ZBTB8OS: variants seen among roughly 807,000 people sequenced by gnomAD.
ZBTB8OS encodes the protein tRNA splicing ligase complex subunit 1, also known as tRNA-splicing ligase-activating factor archease.
ZBTB8OS carries 16 observed loss-of-function variants against 29.3 expected under a neutral mutation model. The ratio of observed to expected loss-of-function variants is 0.55; its 90% confidence interval spans 0.37 to 0.83. The LOEUF (loss-of-function observed/expected upper bound fraction) is 0.83. Among genes scored for constraint, ZBTB8OS ranks in the 40% least tolerant of loss-of-function variants. The pLI, the probability that ZBTB8OS is intolerant of heterozygous loss-of-function variation, is 0.00. For synonymous variants in ZBTB8OS, 70 were observed against 64.6 expected (o/e 1.08, Z -0.40); for missense variants, 160 against 196.9 (o/e 0.81, Z 1.12).
At position 32,643,163 on chromosome 1, in the gene ZBTB8OS, C is replaced by T. The variant is rs374766275; in HGVS notation, c.97+7270G>A. 4.0e-5 allele frequency among the ~76,000 whole-genome samples: 6 copies of T among 151,014 alleles called. No individual in the cohort carries two copies. In the South Asian group the frequency reaches 1.1e-3, roughly 27 times the overall value. ...TCCGCTCACTGCAACCTCTGCCTCC[C>T]AGGTTCAAGCGATTCTCCTGCCTCA... On this transcript the variant is annotated intron_variant, in intron 1 of 6. Coordinates refer to ENST00000468695, the MANE Select transcript of ZBTB8OS (RefSeq NM_178547.5).
At chr1:32,632,774 CA>C (rs769998782) in intron 4 of ZBTB8OS, among the ~76,000 whole-genome samples, 2 of 152,172 alleles carry the variant, frequency 1.3e-5, no homozygotes, top group Non-Finnish European at 2.9e-5. Context: ...TCTGGGCACA[CA>C]GGGGCAGTAC....
intron 1 of ZBTB8OS, among the ~76,000 whole-genome samples, chr1:32,646,057 C>A (rs528048258): frequency 6.6e-6 from 1 of 152,154 alleles, no homozygotes; most frequent in African/African-American, 2.4e-5. Context: ...CAGTGCCTCA[C>A]GTCTGTACTC....
At chr1:32,622,330 C>A (rs1176725806) in intron 6 of ZBTB8OS, among the ~76,000 whole-genome samples, 6 of 152,148 alleles carry the variant, frequency 3.9e-5, no homozygotes, top group African/African-American at 1.4e-4. Flanking sequence ...TCCACATGCC[C>A]ATCAATGGTA....
intron 1 of ZBTB8OS, among the ~76,000 whole-genome samples, chr1:32,646,308 T>C (rs786294): frequency 0.97 from 147,755 of 151,818 alleles, 72,028 homozygotes; most frequent in East Asian, 1. Flanking sequence ...GGTGACAGAA[T>C]GAGACTGTCT....
At chr1:32,645,713 C>T (rs1395504222) in intron 1 of ZBTB8OS, among the ~76,000 whole-genome samples, 1 of 152,146 alleles carries the variant, frequency 6.6e-6, no homozygotes, top group African/African-American at 2.4e-5. Context: ...CAAGCCGAGT[C>T]TCAAACTCCT....
chr1:32,637,691 GA>G (rs1490026282), intron 1 of ZBTB8OS, among the ~76,000 whole-genome samples: 1 of 152,162 alleles, frequency 6.6e-6, no homozygotes, highest in Non-Finnish European at 1.5e-5. Context: ...GGATTGACTG[GA>G]AAAGAGCAAA....
intron 1 of ZBTB8OS, among the ~76,000 whole-genome samples, chr1:32,637,688 C>A (rs1646085073): frequency 6.6e-6 from 1 of 152,050 alleles, no homozygotes; most frequent in Non-Finnish European, 1.5e-5. Flanking sequence ...GGAGGATTGA[C>A]TGGAAAAGAG....
At position 32,636,461 on chromosome 1, in the gene ZBTB8OS, C is replaced by T. The variant is rs577378988; in HGVS notation, c.98-1669G>A. Among the ~76,000 whole-genome samples the T allele has an allele frequency of 2.1e-3, 325 of 151,914 alleles. 3 individuals carry two copies. Among genetic ancestry groups the T allele is most frequent in the African/African-American group, 7.6e-3 (314 of 41,252 alleles). ...ATCCCAGCACTTCGGGAGGCCGAGG[C>T]AGGTGGATCACAAGGTCAGGAGATA... On this transcript the variant is annotated intron_variant, in intron 1 of 6. Coordinates refer to ENST00000468695, the MANE Select transcript of ZBTB8OS (RefSeq NM_178547.5).
Position 32,624,950 on chromosome 1 carries a change from G to A in ZBTB8OS, c.417+2558C>T, listed in dbSNP as rs141309596. On this transcript the variant is annotated intron_variant, in intron 6 of 6. Transcript: ENST00000468695. The stretch of plus-strand genomic sequence containing the variant: ...TTCAAAAAATAAGAAGTAGCTGGGT[G>A]CAGTGGCTCACGCTTATAATCCCAG... Among the ~76,000 whole-genome samples the A allele has an allele frequency of 5.6e-3, 848 of 150,280 alleles. 4 individuals are homozygous for A. Among genetic ancestry groups the A allele is most frequent in the Middle Eastern group, 0.029 (8 of 278 alleles).
chr1:32,629,467 A>C (rs559099189), intron 5 of ZBTB8OS, among the ~76,000 whole-genome samples: 1 of 152,232 alleles, frequency 6.6e-6, no homozygotes, highest in East Asian at 1.9e-4. Flanking sequence ...AACTAATTAA[A>C]TAATACCTCC....
intron 1 of ZBTB8OS, 152 bp downstream of exon 1, chr1:32,650,281 G>C: frequency 9.7e-7 from 1 of 1,033,874 alleles, no homozygotes; most frequent in Non-Finnish European, 1.4e-6. Context: ...ATCCCCAGGA[G>C]AAGTACGAAC....
upstream of ZBTB8OS, chr1:32,650,751 T>G: frequency 1.4e-6 from 1 of 721,450 alleles, no homozygotes; most frequent in South Asian, 2.0e-5. Flanking sequence ...TTACTAGTTC[T>G]TTCCAAAGAC....
chr1:32,643,935 C>A (rs920935227), intron 1 of ZBTB8OS, among the ~76,000 whole-genome samples: 2 of 151,718 alleles, frequency 1.3e-5, no homozygotes, highest in African/African-American at 4.8e-5. Context: ...GTTAGAAAAA[C>A]GCCACACTTT....
At chr1:32,622,998 T>A (rs1570425983) in intron 6 of ZBTB8OS, among the ~76,000 whole-genome samples, 1 of 152,312 alleles carries the variant, frequency 6.6e-6, no homozygotes, top group Admixed American at 6.5e-5. Context: ...TCCACACGTC[T>A]CTGATACATG....
chr1:32,622,007 A>G, intron 6 of ZBTB8OS, 59 bp from the exon 7 acceptor site: 1 of 1,216,110 alleles, frequency 8.2e-7, no homozygotes, highest in Non-Finnish European at 1.2e-6. Flanking sequence ...TGAAATCATA[A>G]TCATTAACTC....
Position 32,644,580 on chromosome 1 carries a change from G to A in ZBTB8OS, c.97+5853C>T, listed in dbSNP as rs148060799. On this transcript the variant is annotated intron_variant, in intron 1 of 6. Coordinates refer to ENST00000468695, the MANE Select transcript of ZBTB8OS (RefSeq NM_178547.5). The stretch of plus-strand genomic sequence containing the variant: ...AGTCAGGGACTCTGTCACCCAGGCC[G>A]GGAGTATAGTGGCATGATGATAACC... Among the ~76,000 whole-genome samples, 819 of 145,494 alleles carry A rather than the reference G, an allele frequency of 5.6e-3. 6 individuals are homozygous for A. Among genetic ancestry groups the A allele is most frequent in the Middle Eastern group, 0.025 (7 of 284 alleles).
upstream of ZBTB8OS, chr1:32,650,629 T>C (rs1432105669): frequency 3.1e-6 from 5 of 1,601,504 alleles, no homozygotes; most frequent in Non-Finnish European, 4.3e-6. Flanking sequence ...CGCACACCCT[T>C]AAAGGACCAC....
chr1:32,621,965 A>AC lies in ZBTB8OS; in HGVS notation c.418-18_418-17insG. 10 of 1,383,674 alleles carry AC rather than the reference A, an allele frequency of 7.2e-6. No individual in the cohort carries two copies. Among genetic ancestry groups the AC allele is most frequent in the Non-Finnish European group, 9.8e-6 (10 of 1,020,684 alleles). The allele number at this position is 1,383,674 out of a possible 1,614,324, so 85.7% of individuals were successfully genotyped here. A position where few individuals can be genotyped will look rare whatever the true frequency, so the allele number is the denominator to read the frequency against. On this transcript the variant is annotated splice_polypyrimidine_tract_variant and intron_variant, in intron 6 of 6. Coordinates refer to ENST00000468695, the MANE Select transcript of ZBTB8OS (RefSeq NM_178547.5). ...TTCTGTTCCCTAAAGTTGGGGTTAG[A>AC]GAAAAAAAAAAAAAAAAGGAAAATA...
intron 6 of ZBTB8OS, among the ~76,000 whole-genome samples, chr1:32,622,270 TG>T (rs759490171): frequency 1.3e-5 from 2 of 152,126 alleles, no homozygotes; most frequent in Non-Finnish European, 2.9e-5. Context: ...GACACATCCA[TG>T]GGTATGTTCA....
Sources: allele counts gnomAD v4.1 joint callset (sites outside exome capture counted in the v4.1 genomes callset), GRCh38; gene constraint gnomAD v4.1.1; transcripts MANE v1.5; gene names NCBI Gene and HGNC (gene_info 2026-07-23, HGNC 2026-07-21).